Variants in METTL21C observed in about 807,000 individuals in gnomAD.
The protein encoded by METTL21C is methyltransferase 21C, AARS1 lysine.
A neutral mutation model predicts 25.9 loss-of-function variants in METTL21C; 21 were observed. That is an observed-to-expected ratio of 0.81 (90% CI 0.58 to 1.17). The LOEUF (loss-of-function observed/expected upper bound fraction) is 1.17, where lower values mean the gene tolerates loss of function less well. METTL21C is among the 50% of genes most tolerant of loss of function. The probability of loss-of-function intolerance (pLI) is 0.00; values close to 1 mark genes in which losing one functional copy is unlikely to be tolerated. For missense variants in METTL21C, 312 were observed against 315.1 expected, an observed-to-expected ratio of 0.99 and a Z score of 0.07; for synonymous variants, 125 against 124.7, an observed-to-expected ratio of 1.00 and a Z score of -0.01.
chr13:102,701,818 A>G, the METTL21C span, among the ~76,000 whole-genome samples: 1 of 152,194 alleles, frequency 6.6e-6, no homozygotes, highest in Admixed American at 6.5e-5. Context: ...AGATATATAA[A>G]AAAGTTTGGT....
the METTL21C span, among the ~76,000 whole-genome samples, chr13:102,702,408 A>G: frequency 6.6e-6 from 1 of 152,200 alleles, no homozygotes; most frequent in African/African-American, 2.4e-5. Context: ...AAGTCTGGAC[A>G]GTATGATAAA....
At chr13:102,700,359 C>T in the METTL21C span, among the ~76,000 whole-genome samples, 1 of 152,082 alleles carries the variant, frequency 6.6e-6, no homozygotes, top group African/African-American at 2.4e-5. Flanking sequence ...CTTAGTTGTT[C>T]GCTTCTATTT....
upstream of METTL21C, among the ~76,000 whole-genome samples, chr13:102,698,810 A>G (rs918817751): frequency 6.6e-6 from 1 of 152,176 alleles, no homozygotes; most frequent in African/African-American, 2.4e-5. Flanking sequence ...TTGGCCTGTT[A>G]CTACACAGTG....
upstream of METTL21C, among the ~76,000 whole-genome samples, chr13:102,696,561 T>G (rs1172959494): frequency 1.3e-5 from 2 of 152,202 alleles, no homozygotes; most frequent in Non-Finnish European, 2.9e-5. Context: ...TTTTTAATAC[T>G]TTCTTCAAAG....
chr13:102,691,030 T>C (rs1177705478), intron 1 of METTL21C, 66 bp from the exon 2 acceptor site: 9 of 1,545,650 alleles, frequency 5.8e-6, no homozygotes, highest in Admixed American at 1.7e-5. Context: ...ACACACTTGG[T>C]ATAATTGCTA....
intron 2 of METTL21C, among the ~76,000 whole-genome samples, chr13:102,690,611 G>A (rs9514043): frequency 0.097 from 14,783 of 151,994 alleles, 856 homozygotes; most frequent in East Asian, 0.23. Context: ...AACAGAGCTT[G>A]AAGCAAAACC....
At chr13:102,696,607 G>A (rs1044001581), upstream of METTL21C, among the ~76,000 whole-genome samples, 2 of 152,032 alleles carry the variant, frequency 1.3e-5, no homozygotes, top group Non-Finnish European at 2.9e-5. Context: ...ATATACATCA[G>A]AGCTCTATTG....
upstream of METTL21C, among the ~76,000 whole-genome samples, chr13:102,697,985 C>T (rs1403140291): frequency 2.6e-5 from 4 of 152,160 alleles, no homozygotes; most frequent in Non-Finnish European, 5.9e-5. Flanking sequence ...ACATGCAGAG[C>T]AGCAGCCAGG....
chr13:102,685,872 A>C lies in METTL21C; in HGVS notation c.*159T>G. On this transcript the variant is annotated 3_prime_UTR_variant, in exon 4 of 4. Coordinates refer to ENST00000267273, the MANE Select transcript of METTL21C (RefSeq NM_001010977.3). Reference sequence around the variant, plus strand: ...CCAGATAATCTTAAATTATCTTAGAAATTAGAAAGTTTCTGCAGTATTGTT... The same window carrying C: ...CCAGATAATCTTAAATTATCTTAGACATTAGAAAGTTTCTGCAGTATTGTT... The C allele has an allele frequency of 1.7e-6, 1 of 600,528 alleles. No homozygotes were observed. Among genetic ancestry groups the C allele is most frequent in the Non-Finnish European group, 2.7e-6 (1 of 372,354 alleles). The allele number at this position is 600,528 out of a possible 1,614,324, so 37.2% of individuals were successfully genotyped here. A position where few individuals can be genotyped will look rare whatever the true frequency, so the allele number is the denominator to read the frequency against.
upstream of METTL21C, among the ~76,000 whole-genome samples, chr13:102,698,371 G>A (rs373255133): frequency 2.6e-5 from 4 of 152,292 alleles, no homozygotes; most frequent in East Asian, 7.7e-4. Context: ...AGGTCGGCCT[G>A]TTCTCTGACG....
At chr13:102,703,614 T>G in the METTL21C span, among the ~76,000 whole-genome samples, 42 of 152,332 alleles carry the variant, frequency 2.8e-4, no homozygotes, top group Non-Finnish European at 3.1e-4. Flanking sequence ...TACAGCACAG[T>G]GAAGCAGATG....
Position 102,686,968 on chromosome 13 carries a change from G to T in METTL21C, c.372C>A (p.Gly124=). ...AAATACTGGCCACAATGGAAACAAG[G>T]CCTGGTCCGGCACCAATTTCAAGTA... ...AKILEIGAGP[G]LVSIVASILG... Residue 124 remains glycine, a synonymous_variant, in exon 3 of 4, where the codon GGC becomes GGA. Coordinates refer to ENST00000267273, the MANE Select transcript of METTL21C (RefSeq NM_001010977.3). 6.2e-7 allele frequency: 1 copy of T among 1,613,990 alleles called. No homozygotes were observed. The highest frequency in any genetic ancestry group is 8.5e-7 in the Non-Finnish European group (1 of 1,179,898).
At chr13:102,689,699 T>C (rs1167420263) in intron 2 of METTL21C, among the ~76,000 whole-genome samples, 1 of 152,228 alleles carries the variant, frequency 6.6e-6, no homozygotes, top group African/African-American at 2.4e-5. Context: ...TGAGGGCCAC[T>C]GTCTATCTTG....
At position 102,686,343 on chromosome 13, in the gene METTL21C, T is replaced by C. The variant is rs764796838; in HGVS notation, c.483A>G (p.Thr161=). The C allele has an allele frequency of 1.1e-5, 18 of 1,614,136 alleles. No homozygotes were observed. The Admixed American group carries it at 2.2e-4, about 19-fold the overall frequency. ...YNLLKNTLQC[T]AHLPEVKELV... ...GTTCTTTCACTTCAGGCAGATGTGCTGTACATTGTAGTGTGTTTTTTAAAA... is the reference window on the plus strand; with the variant it reads ...GTTCTTTCACTTCAGGCAGATGTGCCGTACATTGTAGTGTGTTTTTTAAAA... Residue 161 remains threonine, a synonymous_variant, in exon 4 of 4, where the codon ACA becomes ACG. Coordinates refer to ENST00000267273, the MANE Select transcript of METTL21C (RefSeq NM_001010977.3).
In METTL21C at chr13:102,694,391, G is replaced by A. The variant is rs763700400; in HGVS notation, c.108C>T (p.Asp36=). ...TACCTTCTAGGACTCCCCCGGTGCTGTCTTTCTGCGGAGCCCCCTTCTTCT... is the reference window on the plus strand; with the variant it reads ...TACCTTCTAGGACTCCCCCGGTGCTATCTTTCTGCGGAGCCCCCTTCTTCT... ...EAEKKGAPQK[D]STGGVLEESN... Residue 36 remains aspartate, a synonymous_variant, in exon 1 of 4, where the codon GAC becomes GAT. Coordinates refer to ENST00000267273, the MANE Select transcript of METTL21C (RefSeq NM_001010977.3). The A allele has an allele frequency of 1.6e-5, 26 of 1,605,088 alleles. No homozygotes were observed. In the Admixed American group the frequency reaches 4.4e-4, roughly 27 times the overall value.
intron 2 of METTL21C, 53 bp from the exon 3 acceptor site, chr13:102,687,110 A>G (rs1595241996): frequency 2.9e-6 from 4 of 1,376,464 alleles, no homozygotes; most frequent in Non-Finnish European, 4.1e-6. Context: ...GGAAACCAGT[A>G]GCAACCCTTT....
the METTL21C span, among the ~76,000 whole-genome samples, chr13:102,701,681 T>G: frequency 6.6e-6 from 1 of 152,126 alleles, no homozygotes; most frequent in Non-Finnish European, 1.5e-5. Flanking sequence ...CAAATGATTA[T>G]TCTACGAGCA....
intron 1 of METTL21C, among the ~76,000 whole-genome samples, chr13:102,692,175 A>G (rs1451144295): frequency 6.6e-6 from 1 of 152,198 alleles, no homozygotes; most frequent in African/African-American, 2.4e-5. Context: ...GCCGGTGAAC[A>G]TTGGAAGTGT....
intron 2 of METTL21C, among the ~76,000 whole-genome samples, chr13:102,688,099 C>G (rs900315733): frequency 1.3e-5 from 2 of 152,206 alleles, no homozygotes; most frequent in Non-Finnish European, 2.9e-5. Context: ...ACAATGAACT[C>G]TATAATTTAC....
Sources: gnomAD v4.1 joint callset for allele counts (sites outside exome capture counted in the v4.1 genomes callset) on GRCh38, gnomAD v4.1.1 for gene constraint, MANE v1.5 for transcripts, NCBI Gene and HGNC (gene_info 2026-07-23, HGNC 2026-07-21) for gene names.